The following CD109 variants were observed in gnomAD, a reference collection of about 807,000 sequenced individuals.
CD109 encodes CD109 molecule.
In CD109, 149 loss-of-function variants were observed where a neutral mutation model predicts 165.8. That is an observed-to-expected ratio of 0.90 (90% CI 0.79 to 1.03). The LOEUF (loss-of-function observed/expected upper bound fraction) is 1.03. Ranked by LOEUF, CD109 falls within the 50% of genes least tolerant of loss-of-function variation. The pLI, the probability that CD109 is intolerant of heterozygous loss-of-function variation, is 0.00. For missense variants in CD109, 1,712 were observed against 1,677.8 expected (o/e 1.02, Z -0.36); for synonymous variants, 585 against 592.1 (o/e 0.99, Z 0.18).
chr6:73,797,444 G>T (rs1775202709), intron 23 of CD109, among the ~76,000 whole-genome samples: 1 of 152,194 alleles, frequency 6.6e-6, no homozygotes, highest in Non-Finnish European at 1.5e-5. Context: ...GAAAGCTTCA[G>T]AATTCGGATG....
chr6:73,765,929 G>A lies in CD109; in HGVS notation c.1108-1G>A, dbSNP rs1773824166. ...TTAAGATGTTTTGTTTTGACCATTA[G>A]GTGAAGGTAACTCGTGCTGATGGCA... is the stretch of plus-strand genomic sequence containing the variant. On this transcript the variant is annotated splice_acceptor_variant, in intron 10 of 32. Coordinates refer to ENST00000287097, the MANE Select transcript of CD109 (RefSeq NM_133493.5). LOFTEE classifies it high-confidence loss of function. 6.2e-7 allele frequency: 1 copy of A among 1,606,952 alleles called. No individual in the cohort carries two copies. Among genetic ancestry groups the A allele is most frequent in the Non-Finnish European group, 8.5e-7 (1 of 1,174,210 alleles).
At chr6:73,768,422 G>T (rs1036183734) in intron 14 of CD109, among the ~76,000 whole-genome samples, 191 bp downstream of exon 14, 1 of 152,150 alleles carries the variant, frequency 6.6e-6, no homozygotes, top group African/African-American at 2.4e-5. Flanking sequence ...AGTTATTGGG[G>T]ATTGATAGTC....
rs1479441960 is a variant in CD109 at position 73,696,220 on chromosome 6, A to G, written c.5A>G (p.Gln2Arg). 7 of 1,545,710 alleles carry G rather than the reference A, an allele frequency of 4.5e-6. No homozygotes were observed. The Admixed American group carries it at 5.8e-5, about 13-fold the overall frequency. M[Q>R]GPPLLTAAHL... Reference sequence around the variant, plus strand: ...GCCCAGGCAGACGCCGTCGAGATGCAGGGCCCACCGCTCCTGACCGCCGCC... The same window carrying G: ...GCCCAGGCAGACGCCGTCGAGATGCGGGGCCCACCGCTCCTGACCGCCGCC... Residue 2 changes from glutamine (Q) to arginine (R), a missense_variant, in exon 1 of 33, where the codon CAG (glutamine) becomes CGG (arginine). Coordinates refer to ENST00000287097, the MANE Select transcript of CD109 (RefSeq NM_133493.5).
At chr6:73,732,371 T>C (rs1327136070) in intron 4 of CD109, among the ~76,000 whole-genome samples, 1 of 152,232 alleles carries the variant, frequency 6.6e-6, no homozygotes, top group Non-Finnish European at 1.5e-5. Context: ...TTTGTTGCCA[T>C]GGTGTTCAAT....
intron 2 of CD109, among the ~76,000 whole-genome samples, chr6:73,713,915 C>T (rs1028632759): frequency 1.5e-4 from 23 of 152,140 alleles, no homozygotes; most frequent in Middle Eastern, 6.8e-3. Context: ...TAAATTACCA[C>T]CCCTCCCCCG....
At chr6:73,805,740 A>C (rs1165524413) in intron 24 of CD109, among the ~76,000 whole-genome samples, 1 of 152,180 alleles carries the variant, frequency 6.6e-6, no homozygotes. Context: ...GGGAGTGGTG[A>C]TGACTCTTAA....
Position 73,764,590 on chromosome 6 carries a change from G to A in CD109, c.1107+905G>A, listed in dbSNP as rs185794788. 3.4e-4 allele frequency among the ~76,000 whole-genome samples: 51 copies of A among 152,234 alleles called. No homozygotes were observed. The East Asian group carries it at 6.2e-3, about 18-fold the overall frequency. On this transcript the variant is annotated intron_variant, in intron 10 of 32. Coordinates refer to ENST00000287097, the MANE Select transcript of CD109 (RefSeq NM_133493.5). ...AGCACTTTGGGAGGCCGAGGCAGGC[G>A]GATCACCTGAGGTTAGGAGTTCGAG...
intron 20 of CD109, among the ~76,000 whole-genome samples, chr6:73,786,582 G>GT (rs532956612): frequency 5.8e-4 from 88 of 151,982 alleles, no homozygotes; most frequent in African/African-American, 2.0e-3. Context: ...CTTAATTGTA[G>GT]TTTCCTCATC....
rs1234566182 is a variant in CD109, at chr6:73,824,801, C to G, written c.*1168C>G. 6.6e-6 allele frequency: 1 copy of G among 152,140 alleles called. No individual in the cohort carries two copies. Among genetic ancestry groups the G allele is most frequent in the Non-Finnish European group, 1.5e-5 (1 of 68,026 alleles). 9.4% of individuals were successfully genotyped at this position (152,140 alleles called of 1,614,324 possible). On this transcript the variant is annotated 3_prime_UTR_variant, in exon 33 of 33. Coordinates refer to ENST00000287097, the MANE Select transcript of CD109 (RefSeq NM_133493.5). ...ATGGAAATTTTAAAGATGAATCCCC[C>G]TTTTTTCTTTTCTTCTCTCTTTTCT... is the stretch of plus-strand genomic sequence containing the variant.
rs1179634249 is a variant in CD109, at chr6:73,785,459, T to A, written c.2319T>A (p.Tyr773Ter). Residue 773 changes from tyrosine (Y) to a stop codon, truncating the protein, a stop_gained, in exon 20 of 33, where the codon TAT becomes TAA. Coordinates refer to ENST00000287097, the MANE Select transcript of CD109 (RefSeq NM_133493.5). LOFTEE classifies it high-confidence loss of function. ...CTTTGGAAATAACTATATTCAATTA[T>A]TTGAAAGATGCCACTGAGGTAATGT... ...EFALEITIFN[Y>*]LKDATEVKVI... is the part of the protein sequence containing the mutation. 2 of 1,568,050 alleles carry A rather than the reference T, an allele frequency of 1.3e-6. No individual in the cohort carries two copies. The highest frequency in any genetic ancestry group is 1.7e-6 in the Non-Finnish European group (2 of 1,143,112).
intron 7 of CD109, among the ~76,000 whole-genome samples, chr6:73,759,798 A>G (rs1273667575): frequency 6.6e-6 from 1 of 152,148 alleles, no homozygotes; most frequent in Non-Finnish European, 1.5e-5. Flanking sequence ...CAGGTTTCGA[A>G]GACTCTTGAA....
rs1488513096 is a variant in CD109 at position 73,696,227 on chromosome 6, A to G, written c.12A>G (p.Pro4=). The change falls in exon 1 of 33, where the codon CCA becomes CCG. Residue 4 remains proline (P), a synonymous_variant. Coordinates refer to ENST00000287097, the MANE Select transcript of CD109 (RefSeq NM_133493.5). ...CAGACGCCGTCGAGATGCAGGGCCC[A>G]CCGCTCCTGACCGCCGCCCACCTCC... The part of the protein sequence containing the change: MQG[P]PLLTAAHLLC... 6 of 1,544,126 alleles carry G rather than the reference A, an allele frequency of 3.9e-6. No homozygotes were observed. Among genetic ancestry groups the G allele is most frequent in the Non-Finnish European group, 5.2e-6 (6 of 1,149,300 alleles).
At chr6:73,773,149 G>A (rs1774107787) in intron 15 of CD109, among the ~76,000 whole-genome samples, 1 of 150,618 alleles carries the variant, frequency 6.6e-6, no homozygotes, top group African/African-American at 2.4e-5. Flanking sequence ...CCCATCTGAT[G>A]TGCTGCGCAC....
chr6:73,692,323 C>T (rs1358315820), upstream of CD109, among the ~76,000 whole-genome samples: 1 of 152,048 alleles, frequency 6.6e-6, no homozygotes, highest in African/African-American at 2.4e-5. Flanking sequence ...TTTTTGGTAT[C>T]AAAATTCAGA....
chr6:73,786,753 A>G (rs1163099271), intron 20 of CD109, among the ~76,000 whole-genome samples: 2 of 152,244 alleles, frequency 1.3e-5, no homozygotes, highest in Non-Finnish European at 2.9e-5. Flanking sequence ...TACAACCAAG[A>G]TATGCTTCAG....
At chr6:73,685,757 C>A in the CD109 span, among the ~76,000 whole-genome samples, 1 of 152,148 alleles carries the variant, frequency 6.6e-6, no homozygotes, top group Admixed American at 6.5e-5. Flanking sequence ...CCCTTTGCAT[C>A]CTCATAGCTT....
At chr6:73,703,865 T>C (rs978494561) in intron 2 of CD109, among the ~76,000 whole-genome samples, 1 of 152,148 alleles carries the variant, frequency 6.6e-6, no homozygotes, top group South Asian at 2.1e-4. Context: ...GGCTGATTCA[T>C]GGCCTCCCTC....
chr6:73,770,547 C>G (rs1216916097), intron 14 of CD109, among the ~76,000 whole-genome samples: 1 of 152,044 alleles, frequency 6.6e-6, no homozygotes, highest in Non-Finnish European at 1.5e-5. Flanking sequence ...GAGTTGGAGA[C>G]CAGCCTGGCC....
chr6:73,796,069 T>C (rs1775152675), intron 23 of CD109, among the ~76,000 whole-genome samples: 2 of 152,198 alleles, frequency 1.3e-5, no homozygotes. Context: ...AATTCTTCTA[T>C]TTCTCTCCAT....
Sources: gnomAD v4.1 joint callset for allele counts (sites outside exome capture counted in the v4.1 genomes callset) on GRCh38, gnomAD v4.1.1 for gene constraint, MANE v1.5 for transcripts, NCBI Gene and HGNC (gene_info 2026-07-23, HGNC 2026-07-21) for gene names.